LYRM4: variants seen among roughly 807,000 people sequenced by gnomAD.
LYRM4 encodes the protein LYR motif-containing protein 4.
LYRM4 carries 9 observed loss-of-function variants against 11.7 expected under a neutral mutation model. The ratio of observed to expected loss-of-function variants is 0.77; its 90% CI spans 0.46 to 1.34. LYRM4 has a LOEUF of 1.34. LYRM4 is among the 40% of genes most tolerant of loss of function. The probability of loss-of-function intolerance (pLI) is 0.00; values close to 1 mark genes in which losing one functional copy is unlikely to be tolerated. For missense variants in LYRM4, 133 were observed against 112.5 expected (o/e 1.18, Z -0.82); for synonymous variants, 42 against 40.4 (o/e 1.04, Z -0.15).
chr6:5,108,766 A>C lies in LYRM4; in HGVS notation c.*657T>G. 1.0e-6 allele frequency: 1 copy of C among 985,456 alleles called. No individual in the cohort carries two copies. Among genetic ancestry groups the C allele is most frequent in the Non-Finnish European group, 1.2e-6 (1 of 829,550 alleles). The allele number at this position is 985,456 out of a possible 1,614,324, so 61.0% of individuals were successfully genotyped here. A position where few individuals can be genotyped will look rare whatever the true frequency, so the allele number is the denominator to read the frequency against. On this transcript the variant is annotated 3_prime_UTR_variant, in exon 3 of 3. Transcript: ENST00000330636. The stretch of plus-strand genomic sequence containing the variant: ...AGGGGCTTGAGCCTGCATTTCCAGC[A>C]AATTCCCAGGTGGGGCTGAGGTTGC...
chr6:5,197,109 C>T (rs543275902), intron 2 of LYRM4, among the ~76,000 whole-genome samples: 8 of 152,212 alleles, frequency 5.3e-5, no homozygotes, highest in African/African-American at 1.2e-4. Context: ...GGTGCTTCCA[C>T]ATTCAAGTGA....
At chr6:5,088,600 A>G in the LYRM4 span, 1 of 152,246 alleles carries the variant, frequency 6.6e-6, no homozygotes, top group African/African-American at 2.4e-5. Flanking sequence ...GGCAAAGTGT[A>G]AAATATTTAC....
intron 1 of LYRM4, among the ~76,000 whole-genome samples, chr6:5,244,203 T>C (rs1764037499): frequency 6.6e-6 from 1 of 152,248 alleles, no homozygotes; most frequent in Non-Finnish European, 1.5e-5. Flanking sequence ...TATTCAATAC[T>C]TTATTATAAA....
chr6:5,035,482 C>T, the LYRM4 span, among the ~76,000 whole-genome samples: 8 of 150,986 alleles, frequency 5.3e-5, no homozygotes, highest in East Asian at 2.0e-4. Context: ...GGATCCGTCA[C>T]ACTCTCCTCC....
chr6:5,117,120 C>T (rs1168254507), intron 2 of LYRM4, among the ~76,000 whole-genome samples: 1 of 152,176 alleles, frequency 6.6e-6, no homozygotes, highest in Non-Finnish European at 1.5e-5. Flanking sequence ...TACCATTTTC[C>T]CCAGTTCCTT....
the LYRM4 span, among the ~76,000 whole-genome samples, chr6:5,093,005 G>C: frequency 6.6e-6 from 1 of 152,118 alleles, no homozygotes; most frequent in Admixed American, 6.5e-5. Context: ...AATATACTTG[G>C]GTATTAAATT....
chr6:5,144,277 A>G, intron 2 of LYRM4: 2 of 1,537,040 alleles, frequency 1.3e-6, no homozygotes, highest in Non-Finnish European at 1.7e-6. Flanking sequence ...ACTGAGATAC[A>G]GGCAAGTCTT....
downstream of LYRM4, among the ~76,000 whole-genome samples, chr6:5,099,274 C>T (rs750959740): frequency 6.6e-6 from 1 of 151,676 alleles, no homozygotes; most frequent in Non-Finnish European, 1.5e-5. This position sits in a 1 kb window ranked among gnomAD's most constrained non-coding sequence, Gnocchi z 4.3. Context: ...ATGATCTCGG[C>T]TCACTGCAAC....
At chr6:5,044,447 T>C in the LYRM4 span, among the ~76,000 whole-genome samples, 1 of 152,196 alleles carries the variant, frequency 6.6e-6, no homozygotes, top group Non-Finnish European at 1.5e-5. Flanking sequence ...CTGTTTTCTT[T>C]TAAACAGCTG....
chr6:5,189,505 A>G (rs1476923249), intron 2 of LYRM4, among the ~76,000 whole-genome samples: 2 of 152,196 alleles, frequency 1.3e-5, no homozygotes, highest in Non-Finnish European at 2.9e-5. Flanking sequence ...CTGCTCTAGC[A>G]CCGCTGTCTG....
chr6:5,049,863 T>C, the LYRM4 span, among the ~76,000 whole-genome samples: 21 of 152,016 alleles, frequency 1.4e-4, no homozygotes, highest in Non-Finnish European at 2.9e-4. Context: ...AGAGACGGGG[T>C]TTCATCATGT....
chr6:5,069,274 T>C, the LYRM4 span, among the ~76,000 whole-genome samples: 1 of 152,014 alleles, frequency 6.6e-6, no homozygotes, highest in Non-Finnish European at 1.5e-5. Context: ...TTGGGTTATA[T>C]CTACTAATAC....
intron 2 of LYRM4, among the ~76,000 whole-genome samples, chr6:5,119,381 G>A (rs566036602): frequency 2.0e-5 from 3 of 152,224 alleles, no homozygotes; most frequent in African/African-American, 7.2e-5. Context: ...TAGATAGAGC[G>A]CTTGTTCATT....
At chr6:5,199,251 C>T (rs1197049957) in intron 2 of LYRM4, among the ~76,000 whole-genome samples, 1 of 152,194 alleles carries the variant, frequency 6.6e-6, no homozygotes, top group East Asian at 1.9e-4. Context: ...TCTTATGCTA[C>T]AACATGGATG....
intron 1 of LYRM4, among the ~76,000 whole-genome samples, chr6:5,217,189 G>A (rs1485003930): frequency 6.6e-6 from 1 of 152,174 alleles, no homozygotes; most frequent in Non-Finnish European, 1.5e-5. Flanking sequence ...GTTACATGAC[G>A]ATCGTATTTG....
intron 1 of LYRM4, among the ~76,000 whole-genome samples, chr6:5,250,108 CTT>C (rs1764362044): frequency 6.6e-6 from 1 of 152,080 alleles, no homozygotes; most frequent in Non-Finnish European, 1.5e-5. Flanking sequence ...TTTGGCCTAA[CTT>C]TACTCCTCAT....
chr6:5,186,477 G>C, intron 2 of LYRM4: 1 of 818,896 alleles, frequency 1.2e-6, no homozygotes. Context: ...ATGATACTAG[G>C]ACAGGAGAAA....
chr6:5,107,840 A>G (rs1165785656), downstream of LYRM4: 1 of 152,072 alleles, frequency 6.6e-6, no homozygotes, highest in Non-Finnish European at 1.5e-5. Flanking sequence ...CCCCGTCTCT[A>G]TTAAAAATAC....
At chr6:5,243,262 C>T (rs1029090262) in intron 1 of LYRM4, among the ~76,000 whole-genome samples, 32 of 152,224 alleles carry the variant, frequency 2.1e-4, no homozygotes, top group African/African-American at 7.2e-4. Context: ...ACTGCAGTGA[C>T]GCTCATGCCC....
Sources: gnomAD v4.1 joint callset for allele counts (sites outside exome capture counted in the v4.1 genomes callset) on GRCh38, gnomAD v4.1.1 for gene constraint, Gnocchi (gnomAD v3.1) non-coding constraint, MANE v1.5 for transcripts, NCBI Gene and HGNC (gene_info 2026-07-23, HGNC 2026-07-21) for gene names.